Variants in PDCD1LG2 observed in about 807,000 individuals in gnomAD.
PDCD1LG2 encodes the protein B7 dendritic cell molecule.
In PDCD1LG2, 32 loss-of-function variants were observed where a neutral mutation model predicts 28.2. The observed-to-expected ratio is 1.13, with a 90% CI of 0.86 to 1.52. The LOEUF (loss-of-function observed/expected upper bound fraction) is 1.52. Ranked by LOEUF, PDCD1LG2 falls within the 40% of genes most tolerant of loss-of-function variation. PDCD1LG2 has a pLI of 0.00. For missense variants in PDCD1LG2, 385 were observed against 323.8 expected (o/e 1.19, Z -1.45); for synonymous variants, 116 against 120.2 (o/e 0.97, Z 0.23).
rs2129922512 is a variant in PDCD1LG2 at position 5,557,736 on chromosome 9, G to T, written c.750G>T (p.Lys250Asn). The stretch of plus-strand genomic sequence containing the variant: ...CCCTAAGAAAACAACTCTGTCAAAA[G>T]CTGTATTCTTCAAAAGGTAAGTGAG... ...VIALRKQLCQ[K>N]LYSSKDTTKR... Residue 250 changes from lysine (K) to asparagine (N), a missense_variant, in exon 5 of 7, where the codon AAG (lysine) becomes AAT (asparagine). Coordinates refer to ENST00000397747, the MANE Select transcript of PDCD1LG2 (RefSeq NM_025239.4). The T allele has an allele frequency of 6.2e-7, 1 of 1,613,954 alleles. No homozygotes were observed. The highest frequency in any genetic ancestry group is 1.1e-5 in the South Asian group (1 of 91,078).
intron 5 of PDCD1LG2, among the ~76,000 whole-genome samples, chr9:5,561,910 ACC>A (rs1276028391): frequency 6.6e-6 from 1 of 152,214 alleles, no homozygotes; most frequent in Non-Finnish European, 1.5e-5. Flanking sequence ...TAAATGAGGT[ACC>A]CACTGAAGCC....
In PDCD1LG2 at chr9:5,569,464, G is replaced by C. The variant is rs1215068135; in HGVS notation, c.817-490G>C. 6.6e-6 allele frequency among the ~76,000 whole-genome samples: 1 copy of C among 152,104 alleles called. No homozygotes were observed. Among genetic ancestry groups the C allele is most frequent in the South Asian group, 2.1e-4 (1 of 4,818 alleles). The stretch of plus-strand genomic sequence containing the variant: ...TTGTCTGGGAGGTTGCTGAGGAATA[G>C]ATACCCCAACCTCTCTCTCAACCCA... On this transcript the variant is annotated intron_variant, in intron 6 of 6. Coordinates refer to ENST00000397747, the MANE Select transcript of PDCD1LG2 (RefSeq NM_025239.4). The surrounding 1 kb of genome is among the most constrained non-coding windows in gnomAD (Gnocchi z 4.1).
rs865837262 is a variant in PDCD1LG2, at chr9:5,549,573, G to T, written c.600G>T (p.Arg200Ser). 1 of 1,614,054 alleles carries T rather than the reference G, an allele frequency of 6.2e-7. No individual in the cohort carries two copies. Among genetic ancestry groups the T allele is most frequent in the African/African-American group, 1.3e-5 (1 of 74,920 alleles). ...FSCVFWNTHV[R>S]ELTLASIDLQ... ...GTGTGTTCTGGAATACTCACGTGAG[G>T]GAACTTACTTTGGCCAGCATTGACC... Residue 200 changes from arginine (R) to serine (S), a missense_variant, in exon 4 of 7, where the codon AGG (arginine) becomes AGT (serine). Arg to Ser is a moderately radical substitution (Grantham distance 110, BLOSUM62 -1). Coordinates refer to ENST00000397747, the MANE Select transcript of PDCD1LG2 (RefSeq NM_025239.4).
At position 5,538,481 on chromosome 9, in the gene PDCD1LG2, C is replaced by T. The variant is rs573939485; in HGVS notation, c.361+3431C>T. ...CGGGTGGATCATGAGGTCAGGAGAT[C>T]GAGACCATCCTGGCTAACATGGTGA... On this transcript the variant is annotated intron_variant, in intron 3 of 6. Transcript: ENST00000397747. Among the ~76,000 whole-genome samples, 199 of 151,270 alleles carry T rather than the reference C, an allele frequency of 1.3e-3. 1 individual carries two copies. The highest frequency in any genetic ancestry group is 6.1e-4 in the Non-Finnish European group (41 of 67,748).
At chr9:5,559,144 G>C (rs1428153831) in intron 5 of PDCD1LG2, among the ~76,000 whole-genome samples, 1 of 152,192 alleles carries the variant, frequency 6.6e-6, no homozygotes, top group Non-Finnish European at 1.5e-5. Flanking sequence ...CAAAGATAGA[G>C]TGGAAATAAA....
chr9:5,566,608 C>T (rs188541665), intron 6 of PDCD1LG2, among the ~76,000 whole-genome samples: 1 of 152,294 alleles, frequency 6.6e-6, no homozygotes, highest in African/African-American at 2.4e-5. Context: ...CTAAAATTGA[C>T]AGAGTCCCCT....
chr9:5,521,001 G>T (rs931501511), intron 1 of PDCD1LG2, among the ~76,000 whole-genome samples: 2 of 152,248 alleles, frequency 1.3e-5, no homozygotes, highest in East Asian at 3.9e-4. Context: ...GCAAAATGTG[G>T]TATATCATAC....
chr9:5,549,609 G>A lies in PDCD1LG2; in HGVS notation c.631+5G>A, dbSNP rs769462658. The stretch of plus-strand genomic sequence containing the variant: ...TGGCCAGCATTGACCTTCAAAGTAA[G>A]AGCTGCCCCCACTTCCTAGGTCTAT... On this transcript the variant is annotated splice_donor_5th_base_variant and intron_variant, in intron 4 of 6. Coordinates refer to ENST00000397747, the MANE Select transcript of PDCD1LG2 (RefSeq NM_025239.4). The A allele has an allele frequency of 5.6e-6, 9 of 1,613,878 alleles. No homozygotes were observed. Among genetic ancestry groups the A allele is most frequent in the African/African-American group, 1.3e-5 (1 of 74,938 alleles).
chr9:5,541,694 T>C lies in PDCD1LG2; in HGVS notation c.361+6644T>C, dbSNP rs1563828280. ...GATGACACAAACAAATGGAAACACATCCCATGTTCATGAATAGGTACAATC... is the reference window on the plus strand; with the variant it reads ...GATGACACAAACAAATGGAAACACACCCCATGTTCATGAATAGGTACAATC... On this transcript the variant is annotated intron_variant, in intron 3 of 6. Coordinates refer to ENST00000397747, the MANE Select transcript of PDCD1LG2 (RefSeq NM_025239.4). Among the ~76,000 whole-genome samples, 3 of 152,154 alleles carry C rather than the reference T, an allele frequency of 2.0e-5. No individual in the cohort carries two copies. In the East Asian group the frequency reaches 5.8e-4, roughly 29 times the overall value.
At position 5,542,080 on chromosome 9, in the gene PDCD1LG2, G is replaced by C. The variant is rs144947345; in HGVS notation, c.361+7030G>C. The stretch of plus-strand genomic sequence containing the variant: ...CAAAGCAAACAAAAACATAAAGTGG[G>C]GAAAGTACATCCTATTCAACAAACG... On this transcript the variant is annotated intron_variant, in intron 3 of 6. Coordinates refer to ENST00000397747, the MANE Select transcript of PDCD1LG2 (RefSeq NM_025239.4). 1.6e-3 allele frequency among the ~76,000 whole-genome samples: 249 copies of C among 152,228 alleles called. 1 individual carries two copies. Among genetic ancestry groups the C allele is most frequent in the African/African-American group, 5.7e-3 (236 of 41,550 alleles).
chr9:5,515,477 G>A (rs568754004), intron 1 of PDCD1LG2, among the ~76,000 whole-genome samples: 3 of 152,326 alleles, frequency 2.0e-5, no homozygotes, highest in Admixed American at 6.5e-5. Context: ...GGGTGAGCAA[G>A]GCGGAGAGGA....
At chr9:5,558,834 G>A (rs113957866) in intron 5 of PDCD1LG2, among the ~76,000 whole-genome samples, 1 of 152,142 alleles carries the variant, frequency 6.6e-6, no homozygotes, top group Non-Finnish European at 1.5e-5. Flanking sequence ...GAGGGAGAAA[G>A]AGAAAACAGG....
rs759453468 is a variant in PDCD1LG2, at chr9:5,561,151, T to C, written c.767-2011T>C. On this transcript the variant is annotated intron_variant, in intron 5 of 6. Coordinates refer to ENST00000397747, the MANE Select transcript of PDCD1LG2 (RefSeq NM_025239.4). ...GCTAGATCTGCTCTGTCCAATATAA[T>C]AGCCATCTGTGGCTCTTTTTAAGTT... is the stretch of plus-strand genomic sequence containing the variant. 5.3e-5 allele frequency among the ~76,000 whole-genome samples: 8 copies of C among 152,300 alleles called. 1 individual carries two copies. In the South Asian group the frequency reaches 1.2e-3, roughly 24 times the overall value.
chr9:5,538,092 A>C (rs1186428030), intron 3 of PDCD1LG2, among the ~76,000 whole-genome samples: 1 of 152,198 alleles, frequency 6.6e-6, no homozygotes, highest in East Asian at 1.9e-4. Context: ...GAATGAAAAG[A>C]AACAATTTAG....
chr9:5,537,521 C>T (rs1040987375), intron 3 of PDCD1LG2, among the ~76,000 whole-genome samples: 3 of 152,078 alleles, frequency 2.0e-5, no homozygotes, highest in Non-Finnish European at 4.4e-5. Context: ...AAATGTGGCA[C>T]GTATACACCA....
At chr9:5,529,151 T>G (rs1184578189) in intron 2 of PDCD1LG2, among the ~76,000 whole-genome samples, 2 of 152,270 alleles carry the variant, frequency 1.3e-5, no homozygotes, top group Non-Finnish European at 2.9e-5. Flanking sequence ...AAGATTTTAA[T>G]TTTGATGAAG....
chr9:5,545,422 T>C (rs1377858665), intron 3 of PDCD1LG2, among the ~76,000 whole-genome samples: 1 of 152,276 alleles, frequency 6.6e-6, no homozygotes, highest in Non-Finnish European at 1.5e-5. Flanking sequence ...GCTTATTGTA[T>C]AATCATGGCA....
intron 4 of PDCD1LG2, among the ~76,000 whole-genome samples, chr9:5,556,173 G>A (rs1041098137): frequency 6.6e-6 from 1 of 152,172 alleles, no homozygotes; most frequent in African/African-American, 2.4e-5. Context: ...TAGGGCTTCT[G>A]TACGTGGAAG....
chr9:5,530,760 T>C (rs751500157), intron 2 of PDCD1LG2, among the ~76,000 whole-genome samples: 1 of 152,232 alleles, frequency 6.6e-6, no homozygotes, highest in Non-Finnish European at 1.5e-5. Flanking sequence ...ACTTACTGTG[T>C]TTAAGAAATA....
Sources: gnomAD v4.1 joint callset for allele counts (sites outside exome capture counted in the v4.1 genomes callset) on GRCh38, gnomAD v4.1.1 for gene constraint, Gnocchi (gnomAD v3.1) non-coding constraint, MANE v1.5 for transcripts, NCBI Gene and HGNC (gene_info 2026-07-23, HGNC 2026-07-21) for gene names.